Variants in ABLIM2 observed in about 807,000 individuals in gnomAD.
ABLIM2 encodes actin binding LIM protein family member 2, also known as actin-binding LIM protein 2.
ABLIM2 carries 53 observed loss-of-function variants against 97.7 expected under a neutral mutation model. The observed-to-expected ratio is 0.54, with a 90% CI of 0.44 to 0.68. The LOEUF is 0.68. ABLIM2 is among the 30% of genes least tolerant of loss of function. The pLI is 0.00. For synonymous variants in ABLIM2, 361 were observed against 345.8 expected (o/e 1.04, Z -0.49); for missense variants, 835 against 867.2 (o/e 0.96, Z 0.47).
chr4:8,004,467 C>T lies in ABLIM2; in HGVS notation c.1618+3592G>A, dbSNP rs12510760. Among the ~76,000 whole-genome samples, 5,007 of 152,258 alleles carry T rather than the reference C, an allele frequency of 0.033. 132 individuals carry two copies. Among genetic ancestry groups the T allele is most frequent in the Non-Finnish European group, 0.05 (3,416 of 68,020 alleles). On this transcript the variant is annotated intron_variant, in intron 16 of 20. Transcript: ENST00000447017. The surrounding 1 kb of genome is among the most constrained non-coding windows in gnomAD (Gnocchi z 5.9). Reference sequence around the variant, plus strand: ...TTGGAGGAAAGGGTCTTATTCCCTTCGGAAGTGCTGGGTCCTTTCTAGGGG... The same window carrying T: ...TTGGAGGAAAGGGTCTTATTCCCTTTGGAAGTGCTGGGTCCTTTCTAGGGG...
In ABLIM2 at chr4:8,004,158, C is replaced by G. The variant is rs1468144557; in HGVS notation, c.1618+3901G>C. 2.6e-5 allele frequency among the ~76,000 whole-genome samples: 4 copies of G among 151,860 alleles called. No homozygotes were observed. The highest frequency in any genetic ancestry group is 2.6e-4 in the Admixed American group (4 of 15,246). On this transcript the variant is annotated intron_variant, in intron 16 of 20. Coordinates refer to ENST00000447017, the MANE Select transcript of ABLIM2 (RefSeq NM_001130083.2). The surrounding 1 kb of genome is among the most constrained non-coding windows in gnomAD (Gnocchi z 5.9). ...TGCAGCAGGGTCGCTGTCTCCTAACCCTCCCTCCCAACGGGCTCCGAGACC... is the reference window on the plus strand; with the variant it reads ...TGCAGCAGGGTCGCTGTCTCCTAACGCTCCCTCCCAACGGGCTCCGAGACC...
chr4:8,098,580 G>A (rs1388439859), intron 2 of ABLIM2, among the ~76,000 whole-genome samples: 1 of 152,170 alleles, frequency 6.6e-6, no homozygotes, highest in Non-Finnish European at 1.5e-5. Context: ...TTTCTCCAAA[G>A]AGATGTTAGC....
Position 7,970,735 on chromosome 4 carries a change from G to A in ABLIM2, c.1825-3632C>T, listed in dbSNP as rs1306524400. ...GTGGCTTCTGAAGTTGCTGGGAATG[G>A]TTACCTTCTCTGGGAGTGTGGCACT... On this transcript the variant is annotated intron_variant, in intron 20 of 20. Transcript: ENST00000447017. This position sits in a 1 kb window ranked among gnomAD's most constrained non-coding sequence, Gnocchi z 5.3. Among the ~76,000 whole-genome samples the A allele has an allele frequency of 6.6e-6, 1 of 152,024 alleles. No individual in the cohort carries two copies. Among genetic ancestry groups the A allele is most frequent in the African/African-American group, 2.4e-5 (1 of 41,390 alleles).
In ABLIM2 at chr4:8,019,813, G is replaced by A. The variant is rs1364939116; in HGVS notation, c.1370-142C>T. 5 of 808,226 alleles carry A rather than the reference G, an allele frequency of 6.2e-6. No homozygotes were observed. The highest frequency in any genetic ancestry group is 3.5e-5 in the African/African-American group (2 of 57,154). 50.1% of individuals were successfully genotyped at this position (808,226 alleles called of 1,614,324 possible). A position where few individuals can be genotyped will look rare whatever the true frequency, so the allele number is the denominator to read the frequency against. On this transcript the variant is annotated intron_variant, in intron 13 of 20. Coordinates refer to ENST00000447017, the MANE Select transcript of ABLIM2 (RefSeq NM_001130083.2). This position sits in a 1 kb window ranked among gnomAD's most constrained non-coding sequence, Gnocchi z 4.3. Reference sequence around the variant, plus strand: ...AGGCAGGAACTGGCACCCAGCGAGCGACAGACACCCAGGCCCCAGATCAAG... The same window carrying A: ...AGGCAGGAACTGGCACCCAGCGAGCAACAGACACCCAGGCCCCAGATCAAG...
At chr4:8,030,144 A>G (rs972332543) in intron 10 of ABLIM2, among the ~76,000 whole-genome samples, 2 of 152,130 alleles carry the variant, frequency 1.3e-5, no homozygotes, top group Non-Finnish European at 2.9e-5. Context: ...AGAACCACGG[A>G]GACTCCCCCA....
rs2152118301 is a variant in ABLIM2 at position 8,061,340 on chromosome 4, T to C, written c.676-286A>G. The stretch of plus-strand genomic sequence containing the variant: ...CCCTGCCGGGGTAGTCCAGGAGGGG[T>C]CAGCCTCCTTTACCAGGCGGCATCC... On this transcript the variant is annotated intron_variant, in intron 6 of 20. Transcript: ENST00000447017. The surrounding 1 kb of genome is among the most constrained non-coding windows in gnomAD (Gnocchi z 4.5). 6.6e-6 allele frequency among the ~76,000 whole-genome samples: 1 copy of C among 151,872 alleles called. No homozygotes were observed. Among genetic ancestry groups the C allele is most frequent in the Admixed American group, 6.6e-5 (1 of 15,258 alleles).
At chr4:8,062,073 C>A (rs749847976) in intron 6 of ABLIM2, among the ~76,000 whole-genome samples, 7 of 151,696 alleles carry the variant, frequency 4.6e-5, no homozygotes, top group Non-Finnish European at 8.8e-5. Context: ...CCGCAGGGCC[C>A]AGGCCTCGGC....
At chr4:8,111,144 G>A (rs372697881) in intron 1 of ABLIM2, among the ~76,000 whole-genome samples, 2 of 152,236 alleles carry the variant, frequency 1.3e-5, no homozygotes, top group Admixed American at 1.3e-4. Flanking sequence ...GTATCCAGAC[G>A]ATGAAATATT....
chr4:8,106,423 T>C, intron 2 of ABLIM2, 71 bp downstream of exon 2: 3 of 1,549,060 alleles, frequency 1.9e-6, no homozygotes, highest in Non-Finnish European at 2.6e-6. Context: ...CCAGGAGGCT[T>C]TGCGGGCCCA....
chr4:8,020,761 C>A (rs1578854395), intron 12 of ABLIM2: 2 of 162,580 alleles, frequency 1.2e-5, no homozygotes, highest in South Asian at 1.7e-4. Flanking sequence ...CTAAAATGAT[C>A]AAAATTGTCC....
At chr4:7,983,623 C>T in intron 18 of ABLIM2, 69 bp from the exon 19 acceptor site, 4 of 1,577,824 alleles carry the variant, frequency 2.5e-6, no homozygotes, top group South Asian at 1.1e-5. Context: ...AAGGTGAGTG[C>T]AATCCCTGCC....
intron 20 of ABLIM2, among the ~76,000 whole-genome samples, chr4:7,977,790 C>CAATAAATAAATAAATG (rs1553886717): frequency 0.021 from 3,037 of 142,286 alleles, 77 homozygotes; most frequent in African/African-American, 0.047. Flanking sequence ...GACTCTGTCT[C>CAATAAATAAATAAATG]AATAAATAAA....
rs1035266220 is a variant in ABLIM2 at position 8,044,470 on chromosome 4, T to C, written c.900+694A>G. On this transcript the variant is annotated intron_variant, in intron 9 of 20. Transcript: ENST00000447017. This position sits in a 1 kb window ranked among gnomAD's most constrained non-coding sequence, Gnocchi z 4.4. ...ATTTACATATACATATGTATATGTA[T>C]GTATACATATATAAATTTAAATATA... is the stretch of plus-strand genomic sequence containing the variant. 3.3e-5 allele frequency among the ~76,000 whole-genome samples: 5 copies of C among 151,792 alleles called. No homozygotes were observed. The highest frequency in any genetic ancestry group is 1.9e-4 in the East Asian group (1 of 5,190).
At chr4:8,139,742 C>T (rs1467643494) in intron 1 of ABLIM2, among the ~76,000 whole-genome samples, 1 of 152,162 alleles carries the variant, frequency 6.6e-6, no homozygotes, top group East Asian at 1.9e-4. Flanking sequence ...CCGGCAATCC[C>T]ATTAGTGGGT....
rs1840925266 is a variant in ABLIM2, at chr4:8,112,685, A to G, written c.11-6048T>C. Reference sequence around the variant, plus strand: ...CCAGGGACACCACAGTGAACACAACAGCCACGGTCCCAGCCCTCGACATTC... The same window carrying G: ...CCAGGGACACCACAGTGAACACAACGGCCACGGTCCCAGCCCTCGACATTC... On this transcript the variant is annotated intron_variant, in intron 1 of 20. Coordinates refer to ENST00000447017, the MANE Select transcript of ABLIM2 (RefSeq NM_001130083.2). The surrounding 1 kb of genome is among the most constrained non-coding windows in gnomAD (Gnocchi z 4.2). Among the ~76,000 whole-genome samples, 1 of 152,178 alleles carries G rather than the reference A, an allele frequency of 6.6e-6. No individual in the cohort carries two copies. The highest frequency in any genetic ancestry group is 1.5e-5 in the Non-Finnish European group (1 of 68,034).
Position 8,045,179 on chromosome 4 carries a change from C to T in ABLIM2, c.885G>A (p.Pro295=), listed in dbSNP as rs376665821. 1.8e-5 allele frequency: 29 copies of T among 1,613,768 alleles called. No homozygotes were observed. Among genetic ancestry groups the T allele is most frequent in the African/African-American group, 1.3e-4 (10 of 74,918 alleles). Residue 295 remains proline, a synonymous_variant, in exon 9 of 21, where the codon CCG becomes CCA. Transcript: ENST00000447017. ...CCTGACTTACATAAATCACACGGCTCGGAGACCCTGAGGTGCTGGAAGCAG... is the reference window on the plus strand; with the variant it reads ...CCTGACTTACATAAATCACACGGCTTGGAGACCCTGAGGTGCTGGAAGCAG... ...SVPASSTSGS[P]SRVIYAKLGG...
chr4:8,121,909 G>C (rs1281765170), intron 1 of ABLIM2, among the ~76,000 whole-genome samples: 1 of 152,180 alleles, frequency 6.6e-6, no homozygotes, highest in Non-Finnish European at 1.5e-5. Context: ...TCACAGAGCT[G>C]CAAATGGCAA....
chr4:8,097,919 G>C (rs1004541561), intron 2 of ABLIM2, among the ~76,000 whole-genome samples: 2 of 152,166 alleles, frequency 1.3e-5, no homozygotes, highest in Non-Finnish European at 2.9e-5. Flanking sequence ...GAAGCACTTT[G>C]TCTCTTTTCC....
rs980789594 is a variant in ABLIM2, at chr4:7,999,699, G to C, written c.1619-6772C>G. Among the ~76,000 whole-genome samples, 5 of 152,126 alleles carry C rather than the reference G, an allele frequency of 3.3e-5. No homozygotes were observed. Among genetic ancestry groups the C allele is most frequent in the East Asian group, 1.9e-4 (1 of 5,186 alleles). On this transcript the variant is annotated intron_variant, in intron 16 of 20. Transcript: ENST00000447017. This position sits in a 1 kb window ranked among gnomAD's most constrained non-coding sequence, Gnocchi z 4.4. ...AGACCCACAGGGAGAAGGCAGGTAG[G>C]GGGCCAGGAGCATGGCGGCAACTGG...
Sources: allele counts gnomAD v4.1 joint callset (sites outside exome capture counted in the v4.1 genomes callset), GRCh38; gene constraint gnomAD v4.1.1; non-coding constraint Gnocchi (gnomAD v3.1); transcripts MANE v1.5; gene names NCBI Gene and HGNC (gene_info 2026-07-23, HGNC 2026-07-21).